TMEM132D: variants seen among roughly 807,000 people sequenced by gnomAD.
The protein encoded by TMEM132D is transmembrane protein 132D.
Under a neutral mutation model 62.3 loss-of-function variants are expected in TMEM132D, and 21 were observed. The observed-to-expected ratio is 0.34, with a 90% CI of 0.24 to 0.49. TMEM132D has a LOEUF of 0.49. TMEM132D is among the 20% of genes least tolerant of loss of function. TMEM132D has a pLI of 0.99. For synonymous variants in TMEM132D, 621 were observed against 575.6 expected, an observed-to-expected ratio of 1.08 and a Z score of -1.13; for missense variants, 1,346 against 1,402.8, an observed-to-expected ratio of 0.96 and a Z score of 0.65.
chr12:129,269,254 G>A (rs1305585223), intron 4 of TMEM132D, among the ~76,000 whole-genome samples: 1 of 151,886 alleles, frequency 6.6e-6, no homozygotes, highest in African/African-American at 2.4e-5. Flanking sequence ...AGCTTGTATA[G>A]TGATTTTTTA....
In TMEM132D at chr12:129,817,458, G is replaced by A. The variant is rs76110848; in HGVS notation, c.79+85803C>T. ...TCTGACTCTGGGGCACCAACCGCTC[G>A]CTCTCTCTCCCCACTTCTCCAGGAT... On this transcript the variant is annotated intron_variant, in intron 1 of 8. Transcript: ENST00000422113. 4.4e-4 allele frequency among the ~76,000 whole-genome samples: 63 copies of A among 144,660 alleles called. No homozygotes were observed. The South Asian group carries it at 0.012, about 27-fold the overall frequency. The allele number at this position is 144,660 out of a possible 152,430, so 94.9% of individuals were successfully genotyped here.
At chr12:129,624,992 C>G (rs555669054) in intron 2 of TMEM132D, among the ~76,000 whole-genome samples, 1 of 152,238 alleles carries the variant, frequency 6.6e-6, no homozygotes, top group Non-Finnish European at 1.5e-5. Flanking sequence ...TTGCTCCACA[C>G]CTCACAACAC....
chr12:129,314,997 A>G (rs1593334000), intron 4 of TMEM132D, among the ~76,000 whole-genome samples: 1 of 152,144 alleles, frequency 6.6e-6, no homozygotes, highest in East Asian at 1.9e-4. Flanking sequence ...TTAATCTTGT[A>G]TCCACAAATT....
At chr12:129,422,980 G>T (rs570578795) in intron 3 of TMEM132D, among the ~76,000 whole-genome samples, 1 of 151,662 alleles carries the variant, frequency 6.6e-6, no homozygotes, top group South Asian at 2.1e-4. Flanking sequence ...AGCCACAGTG[G>T]AACAACATGG....
intron 1 of TMEM132D, among the ~76,000 whole-genome samples, chr12:129,714,042 G>A (rs955047223): frequency 6.6e-6 from 1 of 152,198 alleles, no homozygotes; most frequent in African/African-American, 2.4e-5. Flanking sequence ...CTCTGACTGT[G>A]GCATCCTGCC....
At chr12:129,470,472 G>C (rs545659923) in intron 3 of TMEM132D, among the ~76,000 whole-genome samples, 2 of 152,272 alleles carry the variant, frequency 1.3e-5, no homozygotes, top group African/African-American at 4.8e-5. Flanking sequence ...TATACTAGGG[G>C]TTGGGCTTAT....
At chr12:129,236,428 T>C (rs1593306475) in intron 4 of TMEM132D, among the ~76,000 whole-genome samples, 2 of 148,754 alleles carry the variant, frequency 1.3e-5, no homozygotes, top group African/African-American at 2.5e-5. Context: ...GGCAGGAGAA[T>C]TGCTTGAACC....
At chr12:129,489,027 T>C (rs960065605) in intron 3 of TMEM132D, among the ~76,000 whole-genome samples, 9 of 152,130 alleles carry the variant, frequency 5.9e-5, no homozygotes, top group African/African-American at 2.2e-4. Flanking sequence ...ATAATGTCAA[T>C]AGTCGTCAAT....
Position 129,134,662 on chromosome 12 carries a change from A to T in TMEM132D, c.1444-49960T>A, listed in dbSNP as rs1225378075. Reference sequence around the variant, plus strand: ...GAAGATCCAAGAGAACAATTTGTCCAATGTGATTCAGAAAGTAATTGATGG... The same window carrying T: ...GAAGATCCAAGAGAACAATTTGTCCTATGTGATTCAGAAAGTAATTGATGG... On this transcript the variant is annotated intron_variant, in intron 5 of 8. Coordinates refer to ENST00000422113, the MANE Select transcript of TMEM132D (RefSeq NM_133448.3). 2.6e-5 allele frequency among the ~76,000 whole-genome samples: 4 copies of T among 152,202 alleles called. 1 individual carries two copies. Among genetic ancestry groups the T allele is most frequent in the Non-Finnish European group, 5.9e-5 (4 of 68,028 alleles).
chr12:129,700,847 C>T, intron 1 of TMEM132D, 149 bp from the exon 2 acceptor site: 2 of 882,814 alleles, frequency 2.3e-6, no homozygotes, highest in East Asian at 2.8e-5. Flanking sequence ...ATCCAATCTA[C>T]TCGCTTCATA....
intron 1 of TMEM132D, among the ~76,000 whole-genome samples, chr12:129,743,099 C>G (rs1426342749): frequency 6.6e-6 from 1 of 152,224 alleles, no homozygotes; most frequent in Non-Finnish European, 1.5e-5. Context: ...TCCATCCCAA[C>G]CTCCTCTGCC....
intron 3 of TMEM132D, among the ~76,000 whole-genome samples, chr12:129,505,535 G>T (rs1363612589): frequency 6.6e-6 from 1 of 152,114 alleles, no homozygotes; most frequent in Non-Finnish European, 1.5e-5. Flanking sequence ...GAGCCACCAC[G>T]CCTGGCCTGT....
At chr12:129,783,695 C>A (rs1361496928) in intron 1 of TMEM132D, among the ~76,000 whole-genome samples, 1 of 152,024 alleles carries the variant, frequency 6.6e-6, no homozygotes, top group Non-Finnish European at 1.5e-5. Flanking sequence ...TGGTTTGAGC[C>A]CAAATATTTC....
At chr12:129,843,907 A>G (rs1469781178) in intron 1 of TMEM132D, among the ~76,000 whole-genome samples, 2 of 151,928 alleles carry the variant, frequency 1.3e-5, no homozygotes. Flanking sequence ...TGGGCAATAT[A>G]GTAAGACCCT....
intron 2 of TMEM132D, among the ~76,000 whole-genome samples, chr12:129,664,000 A>C (rs1565941379): frequency 2.6e-5 from 4 of 152,232 alleles, no homozygotes; most frequent in African/African-American, 9.6e-5. Flanking sequence ...ATACATTCAA[A>C]AGGGAGGAGA....
intron 1 of TMEM132D, among the ~76,000 whole-genome samples, chr12:129,888,365 T>C (rs1320733805): frequency 6.6e-6 from 1 of 152,072 alleles, no homozygotes; most frequent in Non-Finnish European, 1.5e-5. Flanking sequence ...TGGTTAAATA[T>C]TAGAGAAAAT....
intron 2 of TMEM132D, among the ~76,000 whole-genome samples, chr12:129,652,762 C>T (rs1233591286): frequency 6.6e-6 from 1 of 152,224 alleles, no homozygotes; most frequent in African/African-American, 2.4e-5. Context: ...TAAGACAACA[C>T]GTTTGTGCTG....
Position 129,701,546 on chromosome 12 carries a change from C to T in TMEM132D, c.80-848G>A, listed in dbSNP as rs548304717. 9.2e-5 allele frequency among the ~76,000 whole-genome samples: 14 copies of T among 152,284 alleles called. No individual in the cohort carries two copies. In the East Asian group the frequency reaches 2.3e-3, roughly 25 times the overall value. On this transcript the variant is annotated intron_variant, in intron 1 of 8. Coordinates refer to ENST00000422113, the MANE Select transcript of TMEM132D (RefSeq NM_133448.3). ...CAGCCACATCCTGTGGACACTACGC[C>T]GTCACCAACGAACAAAATCCATTGT...
chr12:129,756,865 C>T (rs1870184518), intron 1 of TMEM132D, among the ~76,000 whole-genome samples: 1 of 152,216 alleles, frequency 6.6e-6, no homozygotes, highest in African/African-American at 2.4e-5. Flanking sequence ...CCCTTGCTTG[C>T]TTGCCTTCAG....
Sources: allele counts gnomAD v4.1 joint callset (sites outside exome capture counted in the v4.1 genomes callset), GRCh38; gene constraint gnomAD v4.1.1; transcripts MANE v1.5; gene names NCBI Gene and HGNC (gene_info 2026-07-23, HGNC 2026-07-21).